Variants in TASOR2 observed in about 807,000 individuals in gnomAD.
TASOR2 encodes protein TASOR 2.
A neutral mutation model predicts 199.5 loss-of-function variants in TASOR2; 84 were observed. That is an observed-to-expected ratio of 0.42 (90% CI 0.35 to 0.50). The LOEUF (loss-of-function observed/expected upper bound fraction) is 0.50, where lower values mean the gene tolerates loss of function less well. Ranked by LOEUF, TASOR2 falls within the 20% of genes least tolerant of loss-of-function variation. The pLI, the probability that TASOR2 is intolerant of heterozygous loss-of-function variation, is 0.02. For missense variants in TASOR2, 2,796 were observed against 2,835.9 expected (o/e 0.99, Z 0.32); for synonymous variants, 1,103 against 1,046.6 (o/e 1.05, Z -1.04).
chr10:5,762,585 G>A, exon 20 of TASOR2: 2 of 1,445,944 alleles, frequency 1.4e-6, no homozygotes, highest in Non-Finnish European at 1.9e-6. Context: ...CCTTGTTACA[G>A]ATGTAAATAA....
chr10:5,701,892 C>T lies in TASOR2; in HGVS notation c.-287-10931C>T, dbSNP rs1837903530. Among the ~76,000 whole-genome samples the T allele has an allele frequency of 1.3e-5, 2 of 150,062 alleles. No individual in the cohort carries two copies. Among genetic ancestry groups the T allele is most frequent in the Admixed American group, 6.7e-5 (1 of 14,982 alleles). On this transcript the variant is annotated intron_variant, in intron 1 of 20. Coordinates refer to ENST00000328090, the Ensembl canonical transcript of TASOR2. The surrounding 1 kb of genome is among the most constrained non-coding windows in gnomAD (Gnocchi z 4.9). ...CCAGGTTTTTCTAAGTATAAGATCA[C>T]GTTATCTGTGAACAGGCTTATTTGA...
chr10:5,691,023 A>G (rs1183196650), intron 1 of TASOR2, among the ~76,000 whole-genome samples: 1 of 151,892 alleles, frequency 6.6e-6, no homozygotes, highest in Non-Finnish European at 1.5e-5. Context: ...AAACCCTGTC[A>G]CTACTAAAAT....
chr10:5,708,642 T>TC (rs1831500539), intron 1 of TASOR2, among the ~76,000 whole-genome samples: 2 of 21,922 alleles, frequency 9.1e-5, no homozygotes, highest in African/African-American at 2.6e-4. Context: ...CTCCCTTCCT[T>TC]CCTTCCTTCC....
chr10:5,758,799 G>T, intron 17 of TASOR2, 88 bp from the exon 19 acceptor site: 4 of 958,540 alleles, frequency 4.2e-6, no homozygotes, highest in Admixed American at 4.4e-5. Flanking sequence ...TTTTTTTCTT[G>T]TTTTACAAAT....
intron 1 of TASOR2, among the ~76,000 whole-genome samples, chr10:5,708,262 C>T (rs952700777): frequency 4.6e-5 from 7 of 152,172 alleles, no homozygotes; most frequent in Admixed American, 2.6e-4. Context: ...CATGTTTAAA[C>T]CGCTGTTCAT....
rs1333827615 is a variant in TASOR2 at position 5,685,544 on chromosome 10, AT to A, written c.-288+372del. Among the ~76,000 whole-genome samples, 1 of 152,010 alleles carries A rather than the reference AT, an allele frequency of 6.6e-6. No individual in the cohort carries two copies. Among genetic ancestry groups the A allele is most frequent in the Non-Finnish European group, 1.5e-5 (1 of 68,008 alleles). Reference sequence around the variant, plus strand: ...TCGGGTTTGCACCGGCTGGGAAATCATTTCCTGCGGGTTCTGCGTGAAGCCT... The same window carrying A: ...TCGGGTTTGCACCGGCTGGGAAATCATTCCTGCGGGTTCTGCGTGAAGCCT... On this transcript the variant is annotated intron_variant, in intron 1 of 20. Coordinates refer to ENST00000328090, the Ensembl canonical transcript of TASOR2. This position sits in a 1 kb window ranked among gnomAD's most constrained non-coding sequence, Gnocchi z 5.4.
Position 5,739,877 on chromosome 10 carries a change from G to T in TASOR2, c.1707G>T (p.Leu569Phe), listed in dbSNP as rs773274839. Residue 569 changes from leucine to phenylalanine, a missense_variant, in exon 13 of 21, where the codon TTG becomes TTT. Around this residue, in one of 3 missense-constraint regions of TASOR2, gnomAD observed 847 missense variants for 887.4 expected, o/e 0.95. Coordinates refer to ENST00000328090, the Ensembl canonical transcript of TASOR2. ...CTGAATTGCCACAAAATGATGTTTT[G>T]CTCTCTAAAGAAAATTCTTTGCGAG... 18 of 1,613,988 alleles carry T rather than the reference G, an allele frequency of 1.1e-5. No homozygotes were observed. The South Asian group carries it at 2.0e-4, about 18-fold the overall frequency.
chr10:5,756,780 A>G (rs1232675999), intron 16 of TASOR2, 42 bp downstream of exon 17: 9 of 1,598,952 alleles, frequency 5.6e-6, no homozygotes, highest in East Asian at 4.5e-5. Flanking sequence ...TTCCAGGCAC[A>G]TAAGTTGTTC....
rs887484674 is a variant in TASOR2 at position 5,720,394 on chromosome 10, T to G, written c.-99-150T>G. The G allele has an allele frequency of 2.2e-6, 3 of 1,358,012 alleles. No homozygotes were observed. Among genetic ancestry groups the G allele is most frequent in the Non-Finnish European group, 2.8e-6 (3 of 1,061,356 alleles). The allele number at this position is 1,358,012 out of a possible 1,614,324, so 84.1% of individuals were successfully genotyped here. ...GTCATTTTCGTGCCTTTGAACTGAG[T>G]CAGGTATAGTTACCTGTGAATGAGT... is the stretch of plus-strand genomic sequence containing the variant. On this transcript the variant is annotated intron_variant, in intron 3 of 20. Transcript: ENST00000328090. This position sits in a 1 kb window ranked among gnomAD's most constrained non-coding sequence, Gnocchi z 5.3.
Position 5,710,058 on chromosome 10 carries a change from T to G in TASOR2, c.-287-2765T>G, listed in dbSNP as rs1056565287. The stretch of plus-strand genomic sequence containing the variant: ...TAATCTTGAATGTTTAAATAAAGCT[T>G]GAGCATTGCTCAGCAGTTATGAGAC... On this transcript the variant is annotated intron_variant, in intron 1 of 20. Transcript: ENST00000328090. The surrounding 1 kb of genome is among the most constrained non-coding windows in gnomAD (Gnocchi z 4.6). 2.0e-5 allele frequency among the ~76,000 whole-genome samples: 3 copies of G among 152,220 alleles called. No individual in the cohort carries two copies. The highest frequency in any genetic ancestry group is 2.9e-5 in the Non-Finnish European group (2 of 68,014).
At chr10:5,749,127 A>G (rs1358589918) in exon 15 of TASOR2, 1 of 1,614,072 alleles carries the variant, frequency 6.2e-7, no homozygotes, top group East Asian at 2.2e-5. Flanking sequence ...CTGCTGCGGT[A>G]AAGAAAGAAG....
exon 15 of TASOR2, chr10:5,747,401 A>C: frequency 6.2e-7 from 1 of 1,614,180 alleles, no homozygotes; most frequent in Non-Finnish European, 8.5e-7. Context: ...GGTGAACCGG[A>C]AGAGGTGGCT....
rs527313622 is a variant in TASOR2, at chr10:5,745,493, TTTTAGGCTG to T, written c.2758-685_2758-677del. Among the ~76,000 whole-genome samples the T allele has an allele frequency of 1.0e-3, 157 of 152,280 alleles. 1 individual carries two copies. The highest frequency in any genetic ancestry group is 3.6e-3 in the African/African-American group (150 of 41,540). Reference sequence around the variant, plus strand: ...TGTTATTTGCTTTTTAAAAATTATCTTTTAGGCTGGGCACAGTGGCTCACACCTGTAATC... The same window carrying T: ...TGTTATTTGCTTTTTAAAAATTATCTGGCACAGTGGCTCACACCTGTAATC... On this transcript the variant is annotated intron_variant, in intron 14 of 20. Coordinates refer to ENST00000328090, the Ensembl canonical transcript of TASOR2.
At chr10:5,721,038 C>A in intron 6 of TASOR2, 68 bp downstream of exon 7, 1 of 1,266,570 alleles carries the variant, frequency 7.9e-7, no homozygotes, top group Non-Finnish European at 1.1e-6. Flanking sequence ...TTTTCCTCAC[C>A]TCATTTCAAG....
chr10:5,705,526 AGTAT>A (rs1838466781), intron 1 of TASOR2, among the ~76,000 whole-genome samples: 1 of 152,144 alleles, frequency 6.6e-6, no homozygotes, highest in Admixed American at 6.5e-5. Flanking sequence ...TCATATGGTA[AGTAT>A]GTGTTTATAA....
In TASOR2 at chr10:5,722,283, T is replaced by C. The variant is rs1333971765; in HGVS notation, c.146+1313T>C. Among the ~76,000 whole-genome samples the C allele has an allele frequency of 1.3e-5, 2 of 151,826 alleles. No individual in the cohort carries two copies. Among genetic ancestry groups the C allele is most frequent in the Non-Finnish European group, 2.9e-5 (2 of 67,956 alleles). ...CAACCTGGGCAACATGGCGAAACCC[T>C]CTCCCTAATAAAAATACAAAAAATT... On this transcript the variant is annotated intron_variant, in intron 6 of 20. Transcript: ENST00000328090. The surrounding 1 kb of genome is among the most constrained non-coding windows in gnomAD (Gnocchi z 4.0).
rs1838248527 is a variant in TASOR2 at position 5,752,693 on chromosome 10, A to G, written c.6606+2666A>G. On this transcript the variant is annotated intron_variant, in intron 15 of 20. Transcript: ENST00000328090. This position sits in a 1 kb window ranked among gnomAD's most constrained non-coding sequence, Gnocchi z 4.4. ...CTGGAGTACTAAGGCCACTGCAGAA[A>G]CCACAGAGCTGCATAAAGATTTCTT... Among the ~76,000 whole-genome samples the G allele has an allele frequency of 6.6e-6, 1 of 152,214 alleles. No individual in the cohort carries two copies. Among genetic ancestry groups the G allele is most frequent in the Admixed American group, 6.5e-5 (1 of 15,290 alleles).
In TASOR2 at chr10:5,730,820, T is replaced by C. The variant is rs981613811; in HGVS notation, c.821T>C (p.Val274Ala). 1.2e-6 allele frequency: 2 copies of C among 1,614,220 alleles called. No individual in the cohort carries two copies. The highest frequency in any genetic ancestry group is 1.7e-6 in the Non-Finnish European group (2 of 1,180,034). Residue 274 changes from valine to alanine, a missense_variant, in exon 11 of 21, where the codon GTG (valine) becomes GCG (alanine). Val to Ala is a moderately conservative substitution (Grantham distance 64, BLOSUM62 0). This residue lies in a region of TASOR2 where 847 missense variants were observed against 887.4 expected (regional missense o/e 0.95). Coordinates refer to ENST00000328090, the Ensembl canonical transcript of TASOR2. This position sits in a 1 kb window ranked among gnomAD's most constrained non-coding sequence, Gnocchi z 4.1. The stretch of plus-strand genomic sequence containing the variant: ...GACCCTAGTGCTTACATTTTGGAAG[T>C]GTCTACTGCTTTGGACTTGCTAGCA...
At chr10:5,729,178 A>T (rs1160192156) in intron 10 of TASOR2, among the ~76,000 whole-genome samples, 2 of 151,678 alleles carry the variant, frequency 1.3e-5, no homozygotes, top group African/African-American at 4.8e-5. Context: ...GTGAAACCCC[A>T]TCTCTACTAA....
Sources: gnomAD v4.1 joint callset for allele counts (sites outside exome capture counted in the v4.1 genomes callset) on GRCh38, gnomAD v4.1.1 for gene constraint, gnomAD v4.1.1 regional missense constraint, Gnocchi (gnomAD v3.1) non-coding constraint, MANE v1.5 for transcripts, NCBI Gene and HGNC (gene_info 2026-07-23, HGNC 2026-07-21) for gene names.